Variants in CSMD1 observed in about 807,000 individuals in gnomAD.
The protein encoded by CSMD1 is CUB and Sushi multiple domains 1.
A neutral mutation model predicts 417.5 loss-of-function variants in CSMD1; 213 were observed. That is an observed-to-expected ratio of 0.51 (90% CI 0.46 to 0.57). The LOEUF (loss-of-function observed/expected upper bound fraction) is 0.57, where lower values mean the gene tolerates loss of function less well. Ranked by LOEUF, CSMD1 falls within the 20% of genes least tolerant of loss-of-function variation. The pLI is 0.00. For synonymous variants in CSMD1, 2,862 were observed against 1,736.8 expected (o/e 1.65, Z -16.11); for missense variants, 6,923 against 4,529.7 (o/e 1.53, Z -15.17).
At chr8:4,633,996 T>TAA (rs34505266) in intron 2 of CSMD1, among the ~76,000 whole-genome samples, 14,709 of 142,972 alleles carry the variant, frequency 0.1, 940 homozygotes, top group Non-Finnish European at 0.14. Context: ...GACAGGTCAT[T>TAA]AAAAAAAAAA....
At chr8:3,984,772 T>G (rs1043494823) in intron 5 of CSMD1, among the ~76,000 whole-genome samples, 2 of 144,282 alleles carry the variant, frequency 1.4e-5, no homozygotes, top group African/African-American at 2.5e-5. Context: ...TTTGTGCGTG[T>G]GTGTGTGTGT....
chr8:4,702,509 A>G (rs1199059977), intron 1 of CSMD1, among the ~76,000 whole-genome samples: 2 of 152,192 alleles, frequency 1.3e-5, no homozygotes, highest in African/African-American at 4.8e-5. Flanking sequence ...AACAGGGAAA[A>G]TAAAAATATT....
intron 1 of CSMD1, among the ~76,000 whole-genome samples, chr8:4,836,134 T>C (rs764446331): frequency 6.6e-6 from 1 of 152,178 alleles, no homozygotes; most frequent in Non-Finnish European, 1.5e-5. Flanking sequence ...ATTTGAAATA[T>C]AGGTTTTATA....
In CSMD1 at chr8:4,468,333, T is replaced by A. The variant is rs1800317190; in HGVS notation, c.303-48268A>T. 2.0e-5 allele frequency among the ~76,000 whole-genome samples: 3 copies of A among 152,202 alleles called. No individual in the cohort carries two copies. The South Asian group carries it at 6.2e-4, about 31-fold the overall frequency. ...GTTATTGACTGGGCGATAGGCCTTT[T>A]TAAAGGTGTTATCACAAAACCTTTT... On this transcript the variant is annotated intron_variant, in intron 2 of 69. Coordinates refer to ENST00000635120, the MANE Select transcript of CSMD1 (RefSeq NM_033225.6).
intron 20 of CSMD1, among the ~76,000 whole-genome samples, chr8:3,362,749 C>T (rs953919674): frequency 6.6e-6 from 1 of 152,148 alleles, no homozygotes; most frequent in African/African-American, 2.4e-5. Flanking sequence ...CATCCTCATT[C>T]ATGCAGGTGC....
intron 1 of CSMD1, among the ~76,000 whole-genome samples, chr8:4,933,690 AATGG>A (rs1330326378): frequency 6.6e-6 from 1 of 152,166 alleles, no homozygotes; most frequent in African/African-American, 2.4e-5. Flanking sequence ...AGGAAAGATA[AATGG>A]ATGGATGGAA....
At chr8:3,074,934 G>T (rs11777660) in intron 49 of CSMD1, among the ~76,000 whole-genome samples, 2,527 of 152,294 alleles carry the variant, frequency 0.017, 28 homozygotes, top group East Asian at 0.039. Context: ...TGTTGGAGGT[G>T]GGGCCTGGAG....
At chr8:3,603,091 T>G (rs1801439455) in intron 8 of CSMD1, among the ~76,000 whole-genome samples, 1 of 152,106 alleles carries the variant, frequency 6.6e-6, no homozygotes, top group Non-Finnish European at 1.5e-5. Context: ...ACATTCAGAG[T>G]GTGTCATTTT....
intron 4 of CSMD1, among the ~76,000 whole-genome samples, chr8:4,004,742 TTTTTG>T (rs943318973): frequency 1.3e-5 from 2 of 152,130 alleles, no homozygotes; most frequent in Non-Finnish European, 2.9e-5. Flanking sequence ...CTTTATTCTT[TTTTTG>T]TTTTGTTTTG....
At chr8:3,635,851 C>T (rs1205163648) in intron 7 of CSMD1, among the ~76,000 whole-genome samples, 2 of 147,520 alleles carry the variant, frequency 1.4e-5, no homozygotes, top group South Asian at 2.2e-4. Context: ...AGACACTGCA[C>T]ACTTAGGTTA....
chr8:4,045,710 A>T (rs1798115060), intron 3 of CSMD1, among the ~76,000 whole-genome samples: 1 of 152,228 alleles, frequency 6.6e-6, no homozygotes, highest in East Asian at 1.9e-4. Context: ...TAACCATAAG[A>T]TTCAAAGACT....
chr8:3,917,206 T>A (rs190061670), intron 5 of CSMD1, among the ~76,000 whole-genome samples: 3 of 152,306 alleles, frequency 2.0e-5, no homozygotes, highest in Admixed American at 2.0e-4. Context: ...CAGCTAAGTG[T>A]TTCCCATGAG....
rs116863305 is a variant in CSMD1 at position 4,372,554 on chromosome 8, G to A, written c.415+47399C>T. Among the ~76,000 whole-genome samples, 885 of 151,778 alleles carry A rather than the reference G, an allele frequency of 5.8e-3. 3 individuals are homozygous for A. The highest frequency in any genetic ancestry group is 9.7e-3 in the Admixed American group (148 of 15,224). ...CAATAAAATGATTCAAAGCCTTTTG[G>A]AGGAATGGCTGTTTCTAGGTTTGAG... On this transcript the variant is annotated intron_variant, in intron 3 of 69. Coordinates refer to ENST00000635120, the MANE Select transcript of CSMD1 (RefSeq NM_033225.6).
chr8:3,283,035 C>G lies in CSMD1; in HGVS notation c.4153+1109G>C, dbSNP rs574469051. On this transcript the variant is annotated intron_variant, in intron 26 of 69. Coordinates refer to ENST00000635120, the MANE Select transcript of CSMD1 (RefSeq NM_033225.6). ...AAAATATCTCCACTCCTTCCTCCTT[C>G]GGAAACCTTTCATCAAAAATGGGCT... is the stretch of plus-strand genomic sequence containing the variant. Among the ~76,000 whole-genome samples the G allele has an allele frequency of 1.8e-4, 28 of 152,228 alleles. No homozygotes were observed. The South Asian group carries it at 5.6e-3, about 30-fold the overall frequency.
intron 5 of CSMD1, among the ~76,000 whole-genome samples, chr8:3,959,587 A>G (rs1400272425): frequency 6.6e-6 from 1 of 152,222 alleles, no homozygotes; most frequent in African/African-American, 2.4e-5. Flanking sequence ...TTTAATCTAA[A>G]AATAATTTGA....
chr8:4,385,073 C>G (rs922477859), intron 3 of CSMD1, among the ~76,000 whole-genome samples: 7 of 152,142 alleles, frequency 4.6e-5, no homozygotes, highest in African/African-American at 1.2e-4. Flanking sequence ...ATTACAGGTG[C>G]CTTCCAGCAC....
intron 10 of CSMD1, among the ~76,000 whole-genome samples, chr8:3,571,031 G>C (rs113179723): frequency 2.6e-5 from 4 of 152,124 alleles, no homozygotes; most frequent in Non-Finnish European, 2.9e-5. Flanking sequence ...AATGAATTTG[G>C]AAAGTGGAAA....
intron 1 of CSMD1, among the ~76,000 whole-genome samples, chr8:4,827,124 T>A (rs1298039986): frequency 6.6e-6 from 1 of 152,118 alleles, no homozygotes; most frequent in East Asian, 1.9e-4. Flanking sequence ...GCAGAATCAA[T>A]CAGCTAGAAT....
At chr8:4,764,981 C>A (rs1812362290) in intron 1 of CSMD1, among the ~76,000 whole-genome samples, 1 of 150,380 alleles carries the variant, frequency 6.6e-6, no homozygotes, top group South Asian at 2.1e-4. Context: ...AATTCTAGAG[C>A]TGTTTATTGA....
Sources: allele counts gnomAD v4.1 joint callset (sites outside exome capture counted in the v4.1 genomes callset), GRCh38; gene constraint gnomAD v4.1.1; transcripts MANE v1.5; gene names NCBI Gene and HGNC (gene_info 2026-07-23, HGNC 2026-07-21).